The following ICA1 variants were observed in gnomAD, a reference collection of about 807,000 sequenced individuals.
The protein encoded by ICA1 is 69 kDa islet cell autoantigen.
Under a neutral mutation model 71.0 loss-of-function variants are expected in ICA1, and 40 were observed. The observed-to-expected ratio is 0.56, with a 90% CI of 0.44 to 0.73. ICA1 has a LOEUF of 0.73. Among genes scored for constraint, ICA1 ranks in the 30% least tolerant of loss-of-function variants. The probability of loss-of-function intolerance (pLI) is 0.00; values close to 1 mark genes in which losing one functional copy is unlikely to be tolerated. For missense variants in ICA1, 578 were observed against 576.5 expected (o/e 1.00, Z -0.03); for synonymous variants, 207 against 209.5 (o/e 0.99, Z 0.10).
At chr7:8,204,684 T>C (rs1192930951) in intron 6 of ICA1, among the ~76,000 whole-genome samples, 2 of 152,190 alleles carry the variant, frequency 1.3e-5, no homozygotes, top group African/African-American at 4.8e-5. Context: ...AAAAAGATAT[T>C]TTTAAACAAA....
Position 8,141,789 on chromosome 7 carries a change from G to T in ICA1, c.931C>A (p.Arg311Ser). The T allele has an allele frequency of 6.4e-7, 1 of 1,569,192 alleles. No homozygotes were observed. Residue 311 changes from arginine to serine, a missense_variant, in exon 10 of 14, where the codon CGC (arginine) becomes AGC (serine). Coordinates refer to ENST00000402384, the MANE Select transcript of ICA1 (RefSeq NM_001136020.3). ...QLISLEEENQ[R>S]KESSSFKTED... The stretch of plus-strand genomic sequence containing the variant: ...CTCTTAAAACTAGAGGATTCCTTGC[G>T]CTGGTTTTCTTCCTCTAATGAAATT...
At chr7:8,125,228 T>C (rs990041003) in intron 13 of ICA1, among the ~76,000 whole-genome samples, 1 of 152,218 alleles carries the variant, frequency 6.6e-6, no homozygotes, top group African/African-American at 2.4e-5. Context: ...CCAATTTTAC[T>C]TGGGCTGAAA....
intron 3 of ICA1, among the ~76,000 whole-genome samples, chr7:8,230,393 C>T (rs79660312): frequency 0.018 from 2,807 of 152,238 alleles, 90 homozygotes; most frequent in African/African-American, 0.063. Context: ...ACTCAAGGTA[C>T]GAACATCAAA....
chr7:8,130,598 G>A lies in ICA1; in HGVS notation c.1061-2456C>T, dbSNP rs1435566334. 6.6e-6 allele frequency among the ~76,000 whole-genome samples: 1 copy of A among 152,166 alleles called. No individual in the cohort carries two copies. The highest frequency in any genetic ancestry group is 1.5e-5 in the Non-Finnish European group (1 of 68,028). ...TCTATTGAAACCAAGTCAAGTCAAT[G>A]TGTAGACCCTGGAGGAGCAGATAAT... On this transcript the variant is annotated intron_variant, in intron 12 of 13. Coordinates refer to ENST00000402384, the MANE Select transcript of ICA1 (RefSeq NM_001136020.3). This position sits in a 1 kb window ranked among gnomAD's most constrained non-coding sequence, Gnocchi z 4.2.
At chr7:8,162,296 C>T (rs1804150056) in intron 6 of ICA1, among the ~76,000 whole-genome samples, 1 of 152,208 alleles carries the variant, frequency 6.6e-6, no homozygotes, top group South Asian at 2.1e-4. Context: ...CCCAATGATT[C>T]TGAAAGGCCA....
At position 8,144,120 on chromosome 7, in the gene ICA1, C is replaced by T. The variant is rs1432498635; in HGVS notation, c.805-148G>A. ...TTGAATTACAGGTATTGGGAGGTGA[C>T]CTTGAACCAATCAGCTGGAAGAAAT... is the stretch of plus-strand genomic sequence containing the variant. On this transcript the variant is annotated intron_variant, in intron 8 of 13. Transcript: ENST00000402384. The surrounding 1 kb of genome is among the most constrained non-coding windows in gnomAD (Gnocchi z 4.5). The T allele has an allele frequency of 7.1e-5, 43 of 607,034 alleles. No homozygotes were observed. The East Asian group carries it at 1.2e-3, about 16-fold the overall frequency. 37.6% of individuals were successfully genotyped at this position (607,034 alleles called of 1,614,324 possible). A position where few individuals can be genotyped will look rare whatever the true frequency, so the allele number is the denominator to read the frequency against.
chr7:8,160,669 T>C (rs377011670), intron 6 of ICA1, among the ~76,000 whole-genome samples: 17 of 152,354 alleles, frequency 1.1e-4, no homozygotes, highest in African/African-American at 4.1e-4. Context: ...TATAGCTATG[T>C]CAAAACTGTC....
chr7:8,238,441 A>G (rs1312249630), intron 1 of ICA1, among the ~76,000 whole-genome samples: 1 of 152,138 alleles, frequency 6.6e-6, no homozygotes, highest in African/African-American at 2.4e-5. Context: ...CTTTGGAGAA[A>G]TGTCTATGCA....
At chr7:8,116,838 G>A (rs1784941866) in intron 13 of ICA1, among the ~76,000 whole-genome samples, 1 of 152,168 alleles carries the variant, frequency 6.6e-6, no homozygotes, top group Non-Finnish European at 1.5e-5. Flanking sequence ...GTAAATAACA[G>A]TCCAGTCCAA....
At chr7:8,180,940 C>T (rs1481048789) in intron 6 of ICA1, among the ~76,000 whole-genome samples, 1 of 151,602 alleles carries the variant, frequency 6.6e-6, no homozygotes, top group Non-Finnish European at 1.5e-5. Context: ...GCAGTTTGTC[C>T]TTATCTTTTC....
chr7:8,152,964 T>C (rs1359598167), intron 8 of ICA1, among the ~76,000 whole-genome samples: 1 of 149,312 alleles, frequency 6.7e-6, no homozygotes, highest in Admixed American at 6.7e-5. Flanking sequence ...TACCATCATC[T>C]CCTCCATCAC....
intron 6 of ICA1, among the ~76,000 whole-genome samples, chr7:8,182,297 T>A (rs1459778331): frequency 6.6e-6 from 1 of 152,220 alleles, no homozygotes; most frequent in Non-Finnish European, 1.5e-5. Context: ...TCCCTGCATT[T>A]CAATTGCTTG....
intron 13 of ICA1, among the ~76,000 whole-genome samples, chr7:8,127,341 A>C (rs1037064936): frequency 1.2e-4 from 18 of 151,980 alleles, no homozygotes; most frequent in African/African-American, 4.4e-4. Context: ...TCTGTGGCTG[A>C]GGAGGTAATG....
intron 3 of ICA1, 90 bp downstream of exon 3, chr7:8,232,500 G>C: frequency 9.1e-7 from 1 of 1,101,442 alleles, no homozygotes; most frequent in Non-Finnish European, 1.2e-6. Flanking sequence ...CAAATACAAA[G>C]CACACCCAGC....
chr7:8,158,512 A>G lies in ICA1; in HGVS notation c.705+15T>C, dbSNP rs1379544789. ...TGCCATCCTTGGTTCATTGCAACAA[A>G]CATTATTTTGTTACCTGGTATGTTG... is the stretch of plus-strand genomic sequence containing the variant. On this transcript the variant is annotated intron_variant, in intron 7 of 13. Coordinates refer to ENST00000402384, the MANE Select transcript of ICA1 (RefSeq NM_001136020.3). 6.2e-7 allele frequency: 1 copy of G among 1,613,536 alleles called. No individual in the cohort carries two copies.
rs117290172 is a variant in ICA1, at chr7:8,229,045, A to G, written c.184-372T>C. 3.3e-5 allele frequency among the ~76,000 whole-genome samples: 5 copies of G among 152,150 alleles called. No individual in the cohort carries two copies. The East Asian group carries it at 7.7e-4, about 23-fold the overall frequency. Reference sequence around the variant, plus strand: ...CATAATCAAATTTATTCCTTTCACCACTTGCTGTGGTTTTTTTTTAATGGG... The same window carrying G: ...CATAATCAAATTTATTCCTTTCACCGCTTGCTGTGGTTTTTTTTTAATGGG... On this transcript the variant is annotated intron_variant, in intron 3 of 13. Coordinates refer to ENST00000402384, the MANE Select transcript of ICA1 (RefSeq NM_001136020.3).
At chr7:8,251,531 T>G (rs1405079067) in intron 1 of ICA1, among the ~76,000 whole-genome samples, 1 of 151,022 alleles carries the variant, frequency 6.6e-6, no homozygotes, top group East Asian at 1.9e-4. Flanking sequence ...AGATAAAGCT[T>G]AGAGATAATG....
At chr7:8,121,263 C>T (rs181370550) in intron 13 of ICA1, among the ~76,000 whole-genome samples, 2 of 152,140 alleles carry the variant, frequency 1.3e-5, no homozygotes, top group African/African-American at 2.4e-5. Flanking sequence ...TCCTCTCCCC[C>T]ACTTCTTGCC....
chr7:8,186,854 T>C (rs1052158098), intron 6 of ICA1, among the ~76,000 whole-genome samples: 1 of 152,222 alleles, frequency 6.6e-6, no homozygotes, highest in Non-Finnish European at 1.5e-5. Context: ...CTTATTCCAG[T>C]AATGTTGTCT....
Sources: allele counts gnomAD v4.1 joint callset (sites outside exome capture counted in the v4.1 genomes callset), GRCh38; gene constraint gnomAD v4.1.1; non-coding constraint Gnocchi (gnomAD v3.1); transcripts MANE v1.5; gene names NCBI Gene and HGNC (gene_info 2026-07-23, HGNC 2026-07-21).